FUS: variants seen among roughly 807,000 people sequenced by gnomAD.
FUS encodes RNA-binding protein FUS.
Under a neutral mutation model 82.7 loss-of-function variants are expected in FUS, and 5 were observed. That is an observed-to-expected ratio of 0.06 (90% confidence interval 0.03 to 0.13). The LOEUF (loss-of-function observed/expected upper bound fraction) is 0.13, where lower values mean the gene tolerates loss of function less well. FUS is among the 10% of genes least tolerant of loss of function. FUS has a pLI of 1.00. For missense variants in FUS, 512 were observed against 707.8 expected (o/e 0.72, Z 3.14); for synonymous variants, 281 against 247.4 (o/e 1.14, Z -1.27).
downstream of FUS, chr16:31,191,982 G>A (rs2079368453): frequency 1.9e-6 from 1 of 533,160 alleles, no homozygotes; most frequent in Non-Finnish European, 3.6e-6. Context: ...TTTAAATGGG[G>A]CAGTATTCAG....
At position 31,190,831 on chromosome 16, in the gene FUS, G is replaced by C; in HGVS notation, c.1382G>C (p.Gly461Ala). ...GATGGCCCAGGAGGGGGACCAGGTG[G>C]CTCTCACATGGGTAAGAAAGGCAGA... ...KPDGPGGGPG[G>A]SHMGGNYGDD... Residue 461 changes from glycine (G) to alanine (A), a missense_variant, in exon 13 of 15, where the codon GGC (glycine) becomes GCC (alanine). By Grantham distance (60) the Gly-to-Ala change is moderately conservative. Coordinates refer to ENST00000254108, the MANE Select transcript of FUS (RefSeq NM_004960.4). 1 of 1,614,028 alleles carries C rather than the reference G, an allele frequency of 6.2e-7. No individual in the cohort carries two copies. The highest frequency in any genetic ancestry group is 8.5e-7 in the Non-Finnish European group (1 of 1,179,862).
At chr16:31,186,285 A>G (rs775133105) in intron 6 of FUS, 3 of 299,288 alleles carry the variant, frequency 1.0e-5, no homozygotes, top group Non-Finnish European at 1.9e-5. Flanking sequence ...GTTAGGACAG[A>G]GCTTAGCTAA....
At chr16:31,181,746 T>G (rs560260019) in intron 1 of FUS, among the ~76,000 whole-genome samples, 3 of 152,188 alleles carry the variant, frequency 2.0e-5, no homozygotes, top group Non-Finnish European at 4.4e-5. Flanking sequence ...CGATAATGGC[T>G]TTCTCATAGA....
chr16:31,190,031 T>A lies in FUS; in HGVS notation c.1067-9T>A. ...TTTAAAGTCTGTTGATGATTTTTTG[T>A]TTCTCTAGGTAAAGAATTCTCCGGA... On this transcript the variant is annotated splice_polypyrimidine_tract_variant and intron_variant, in intron 10 of 14. Transcript: ENST00000254108. 6.2e-7 allele frequency: 1 copy of A among 1,607,448 alleles called. No individual in the cohort carries two copies. The highest frequency in any genetic ancestry group is 8.5e-7 in the Non-Finnish European group (1 of 1,176,450).
chr16:31,193,979 C>T (rs931884934), downstream of FUS: 2 of 532,532 alleles, frequency 3.8e-6, no homozygotes, highest in Non-Finnish European at 7.3e-6. Context: ...TGATTGAAAT[C>T]TGTCTTGAAG....
rs2144135400 is a variant in FUS at position 31,190,278 on chromosome 16, C to G, written c.1172C>G (p.Pro391Arg). ...ATACTTGGTCTATCTGCATTAGGAC[C>G]CATGGGCCGTGGAGGCTATGGAGGT... ...NGRGGRGRGG[P>R]MGRGGYGGGG... Residue 391 changes from proline to arginine, a missense_variant, in exon 12 of 15, where the codon CCC (proline) becomes CGC (arginine). By Grantham distance (103) the Pro-to-Arg change is moderately radical. Around this residue, in one of 6 missense-constraint regions of FUS, gnomAD observed 63 missense variants for 83.0 expected, o/e 0.76. Transcript: ENST00000254108. 1.9e-6 allele frequency: 3 copies of G among 1,614,002 alleles called. No individual in the cohort carries two copies. Among genetic ancestry groups the G allele is most frequent in the Non-Finnish European group, 2.5e-6 (3 of 1,180,010 alleles).
chr16:31,189,813 G>A lies in FUS; in HGVS notation c.1066+19G>A, dbSNP rs754452897. 1.9e-6 allele frequency: 3 copies of A among 1,613,900 alleles called. No individual in the cohort carries two copies. Among genetic ancestry groups the A allele is most frequent in the African/African-American group, 1.3e-5 (1 of 75,044 alleles). ...TTTGATGGTATGTATGAGAAGGCTGGCAGAGGTGGGGCTGGGGATATAGGG... is the reference window on the plus strand; with the variant it reads ...TTTGATGGTATGTATGAGAAGGCTGACAGAGGTGGGGCTGGGGATATAGGG... On this transcript the variant is annotated intron_variant, in intron 10 of 14. Coordinates refer to ENST00000254108, the MANE Select transcript of FUS (RefSeq NM_004960.4).
At chr16:31,181,295 T>C (rs575079393) in intron 1 of FUS, among the ~76,000 whole-genome samples, 1 of 152,172 alleles carries the variant, frequency 6.6e-6, no homozygotes, top group Non-Finnish European at 1.5e-5. Flanking sequence ...CTTTCCCTTT[T>C]CCTGCGGGGG....
At chr16:31,184,110 G>GA in intron 4 of FUS, 99 bp from the exon 5 acceptor site, 1 of 1,612,856 alleles carries the variant, frequency 6.2e-7, no homozygotes, top group Non-Finnish European at 8.5e-7. Flanking sequence ...TGGGGTAGGG[G>GA]AGCCTGTGTT....
chr16:31,192,206 T>G, downstream of FUS: 2 of 527,614 alleles, frequency 3.8e-6, no homozygotes, highest in South Asian at 3.1e-5. Flanking sequence ...CTCAGAGGGC[T>G]TGAGGTCATT....
At chr16:31,193,576 A>G (rs770074933), downstream of FUS, 6 of 530,112 alleles carry the variant, frequency 1.1e-5, no homozygotes, top group South Asian at 9.2e-5. Context: ...ATTAGTGTCA[A>G]GTTCCTGTGT....
chr16:31,191,879 A>G (rs539486396), downstream of FUS: 68 of 542,216 alleles, frequency 1.3e-4, no homozygotes, highest in Admixed American at 7.1e-4. Context: ...ATTTATTTGC[A>G]TACTGGTCTT....
At chr16:31,185,222 T>G in intron 6 of FUS, 43 bp downstream of exon 6, 1 of 1,566,050 alleles carries the variant, frequency 6.4e-7, no homozygotes, top group East Asian at 2.3e-5. Flanking sequence ...GTGGGGAGTG[T>G]GGAGGATTGC....
rs192350464 is a variant in FUS at position 31,189,139 on chromosome 16, C to T, written c.849C>T (p.Asp283=). 4.3e-6 allele frequency: 7 copies of T among 1,613,490 alleles called. No individual in the cohort carries two copies. The highest frequency in any genetic ancestry group is 3.3e-5 in the Admixed American group (2 of 60,014). ...AACAAGCAGAACAGGATAATTCAGA[C>T]AACAACACCATCTTTGTGCAAGGCC... ...SRHDSEQDNS[D]NNTIFVQGLG... The change falls in exon 9 of 15, where the codon GAC becomes GAT. Residue 283 remains aspartate (D), a synonymous_variant. Transcript: ENST00000254108.
At chr16:31,180,450 C>T (rs1420183677) in intron 1 of FUS, among the ~76,000 whole-genome samples, 1 of 150,166 alleles carries the variant, frequency 6.7e-6, no homozygotes, top group Non-Finnish European at 1.5e-5. Context: ...CTTTGCAGTC[C>T]GTTTGCTTGG....
intron 14 of FUS, 107 bp downstream of exon 14, chr16:31,191,217 C>T: frequency 6.6e-7 from 1 of 1,516,034 alleles, no homozygotes; most frequent in Non-Finnish European, 9.1e-7. Context: ...GGTGGAAAGA[C>T]CTGAGGTTGT....
rs755045476 is a variant in FUS, at chr16:31,184,923, C to CT, written c.524-13dup. The CT allele has an allele frequency of 7.5e-4, 1,185 of 1,586,498 alleles. 2 individuals are homozygous for CT. The highest frequency in any genetic ancestry group is 9.2e-4 in the Non-Finnish European group (1,072 of 1,162,806). On this transcript the variant is annotated splice_polypyrimidine_tract_variant and intron_variant, in intron 5 of 14. Transcript: ENST00000254108. Reference sequence around the variant, plus strand: ...TTTTTGTTTTTTTTTTTTAATCATTCTTTCTTTTCTCACAGGTAACTATGG... The same window carrying CT: ...TTTTTGTTTTTTTTTTTTAATCATTCTTTTCTTTTCTCACAGGTAACTATGG...
In FUS at chr16:31,185,087, C is replaced by CGGT. The variant is rs1418683390; in HGVS notation, c.674_675insTGG (p.Gly231dup). 1 of 1,600,082 alleles carries CGGT rather than the reference C, an allele frequency of 6.2e-7. No individual in the cohort carries two copies. The highest frequency in any genetic ancestry group is 1.3e-5 in the African/African-American group (1 of 74,342). ...GCGGCAGGGGTGGCAGTGGTGGCGG[C>CGGT]GGCGGCGGCGGCGGTGGTGGTTACA... On this transcript the variant is annotated inframe_insertion, in exon 6 of 15. Coordinates refer to ENST00000254108, the MANE Select transcript of FUS (RefSeq NM_004960.4).
intron 3 of FUS, 176 bp from the exon 4 acceptor site, chr16:31,183,682 G>A (rs779053500): frequency 1.4e-6 from 1 of 736,062 alleles, no homozygotes; most frequent in Non-Finnish European, 2.4e-6. Context: ...AGAAGTTGAA[G>A]CATTAAATTT....
Sources: gnomAD v4.1 joint callset for allele counts (sites outside exome capture counted in the v4.1 genomes callset) on GRCh38, gnomAD v4.1.1 for gene constraint, gnomAD v4.1.1 regional missense constraint, MANE v1.5 for transcripts, NCBI Gene and HGNC (gene_info 2026-07-23, HGNC 2026-07-21) for gene names.